NSUN6: variants seen among roughly 807,000 people sequenced by gnomAD.
NSUN6 encodes tRNA (cytosine(72)-C(5))-methyltransferase NSUN6.
Under a neutral mutation model 58.0 loss-of-function variants are expected in NSUN6, and 64 were observed. That is an observed-to-expected ratio of 1.10 (90% CI 0.90 to 1.36). NSUN6 has a LOEUF of 1.36. NSUN6 is among the 40% of genes most tolerant of loss of function. NSUN6 has a pLI of 0.00. For synonymous variants in NSUN6, 231 were observed against 193.9 expected, an observed-to-expected ratio of 1.19 and a Z score of -1.59; for missense variants, 701 against 550.1, an observed-to-expected ratio of 1.27 and a Z score of -2.74.
upstream of NSUN6, chr10:18,653,072 A>G (rs1262193589): frequency 1.0e-6 from 1 of 984,458 alleles, no homozygotes; most frequent in Non-Finnish European, 1.2e-6. Flanking sequence ...GACATTTCCA[A>G]AGGAATTTCT....
intron 3 of NSUN6, among the ~76,000 whole-genome samples, chr10:18,625,860 A>C (rs6482567): frequency 6.6e-6 from 1 of 151,782 alleles, no homozygotes; most frequent in Admixed American, 6.6e-5. Context: ...CGTACTGTTA[A>C]AAGGAAAAGT....
intron 8 of NSUN6, among the ~76,000 whole-genome samples, chr10:18,585,568 T>C (rs2057093076): frequency 6.6e-6 from 1 of 152,028 alleles, no homozygotes; most frequent in African/African-American, 2.4e-5. Flanking sequence ...GAAGGACAAA[T>C]ATTACACGAT....
chr10:18,566,933 C>T (rs1490053875), intron 8 of NSUN6, among the ~76,000 whole-genome samples: 1 of 150,650 alleles, frequency 6.6e-6, no homozygotes, highest in Non-Finnish European at 1.5e-5. Flanking sequence ...CTCCATTCTC[C>T]ATTCCAGCCT....
chr10:18,549,563 T>C (rs1202617904), intron 9 of NSUN6, among the ~76,000 whole-genome samples: 1 of 152,184 alleles, frequency 6.6e-6, no homozygotes, highest in African/African-American at 2.4e-5. Context: ...AATGGAAACC[T>C]CGTGAATAAG....
intron 6 of NSUN6, among the ~76,000 whole-genome samples, chr10:18,604,487 G>T (rs1449154579): frequency 6.6e-6 from 1 of 152,084 alleles, no homozygotes; most frequent in Non-Finnish European, 1.5e-5. Flanking sequence ...CAAATTTCCT[G>T]GGAACTTGTT....
chr10:18,616,747 C>A (rs1041994419), intron 3 of NSUN6, among the ~76,000 whole-genome samples: 1 of 152,110 alleles, frequency 6.6e-6, no homozygotes, highest in African/African-American at 2.4e-5. Context: ...TGCTGCCCAA[C>A]CTTTTTGAGT....
At chr10:18,573,299 T>G (rs531505500) in intron 8 of NSUN6, among the ~76,000 whole-genome samples, 3 of 151,352 alleles carry the variant, frequency 2.0e-5, no homozygotes, top group African/African-American at 7.3e-5. Flanking sequence ...CCCATTCCAT[T>G]CTCCATTCCA....
Position 18,546,847 on chromosome 10 carries a change from G to T in NSUN6, c.1198-702C>A, listed in dbSNP as rs367640135. On this transcript the variant is annotated intron_variant, in intron 10 of 10. Transcript: ENST00000377304. ...AGATTGTGCCTGGGCAATCCAGCCT[G>T]AGCGACAGAGTGACACTCCATCTCA... Among the ~76,000 whole-genome samples, 8 of 151,698 alleles carry T rather than the reference G, an allele frequency of 5.3e-5. No individual in the cohort carries two copies. The East Asian group carries it at 1.4e-3, about 26-fold the overall frequency.
At chr10:18,578,104 T>G (rs1357753412) in intron 8 of NSUN6, among the ~76,000 whole-genome samples, 1 of 152,154 alleles carries the variant, frequency 6.6e-6, no homozygotes, top group East Asian at 1.9e-4. Context: ...AAAACCTTAC[T>G]TATAACACAG....
At chr10:18,571,259 TTTCCATTCCCTTCCTTTCTCCA>T (rs1437562209) in intron 8 of NSUN6, among the ~76,000 whole-genome samples, 1 of 150,968 alleles carries the variant, frequency 6.6e-6, no homozygotes, top group Non-Finnish European at 1.5e-5. Flanking sequence ...TCCATTCTCC[TTTCCATTCCCTTCCTTTCTCCA>T]TTCCATTCCC....
At chr10:18,626,123 T>C (rs1048988191) in intron 3 of NSUN6, among the ~76,000 whole-genome samples, 1 of 151,428 alleles carries the variant, frequency 6.6e-6, no homozygotes, top group African/African-American at 2.4e-5. Context: ...ATAAAGACAT[T>C]AATAAAGATA....
At chr10:18,582,788 T>C (rs1283182865) in intron 8 of NSUN6, among the ~76,000 whole-genome samples, 1 of 152,234 alleles carries the variant, frequency 6.6e-6, no homozygotes, top group Non-Finnish European at 1.5e-5. Flanking sequence ...AGGAGTACTA[T>C]GCCCATGTCA....
intron 6 of NSUN6, among the ~76,000 whole-genome samples, chr10:18,597,329 G>A (rs922867620): frequency 6.6e-6 from 1 of 152,214 alleles, no homozygotes; most frequent in Non-Finnish European, 1.5e-5. Context: ...GGAGTTACTT[G>A]TTTGGTTATT....
intron 7 of NSUN6, among the ~76,000 whole-genome samples, chr10:18,590,393 G>A (rs567985470): frequency 2.0e-5 from 3 of 152,258 alleles, no homozygotes; most frequent in African/African-American, 7.2e-5. Context: ...ACTCACCTCT[G>A]GATCAAGTGG....
intron 8 of NSUN6, among the ~76,000 whole-genome samples, chr10:18,559,900 G>T (rs901292936): frequency 2.3e-4 from 34 of 149,422 alleles, no homozygotes; most frequent in Admixed American, 8.7e-4. Context: ...AAAGGGGAAT[G>T]GAATGGAATG....
At chr10:18,621,446 C>T (rs1453766389) in intron 3 of NSUN6, among the ~76,000 whole-genome samples, 1 of 152,124 alleles carries the variant, frequency 6.6e-6, no homozygotes, top group Non-Finnish European at 1.5e-5. Flanking sequence ...TCCATAGACA[C>T]CAGGACTGAC....
intron 3 of NSUN6, among the ~76,000 whole-genome samples, chr10:18,622,037 GACACACACAC>G (rs370576076): frequency 4.7e-5 from 7 of 148,354 alleles, no homozygotes; most frequent in African/African-American, 1.5e-4. Flanking sequence ...ATATACGAAT[GACACACACAC>G]ACACACACAC....
intron 9 of NSUN6, chr10:18,551,595 T>TGG: frequency 2.6e-6 from 1 of 384,400 alleles, no homozygotes; most frequent in Non-Finnish European, 4.6e-6. Flanking sequence ...GTTTTCCAGG[T>TGG]TCACCCATGT....
At chr10:18,591,133 C>G (rs2057362602) in intron 7 of NSUN6, among the ~76,000 whole-genome samples, 1 of 152,142 alleles carries the variant, frequency 6.6e-6, no homozygotes, top group Non-Finnish European at 1.5e-5. Context: ...CCTAGAAAAT[C>G]TAGAAGAAAT....
Sources: allele counts gnomAD v4.1 joint callset (sites outside exome capture counted in the v4.1 genomes callset), GRCh38; gene constraint gnomAD v4.1.1; transcripts MANE v1.5; gene names NCBI Gene and HGNC (gene_info 2026-07-23, HGNC 2026-07-21).